Variants in MREG observed in about 807,000 individuals in gnomAD.
The protein encoded by MREG is melanoregulin.
A neutral mutation model predicts 28.5 loss-of-function variants in MREG; 31 were observed. That is an observed-to-expected ratio of 1.09 (90% CI 0.82 to 1.47). MREG has a LOEUF of 1.47. MREG is among the 40% of genes most tolerant of loss of function. The probability of loss-of-function intolerance (pLI) is 0.00; values close to 1 mark genes in which losing one functional copy is unlikely to be tolerated. For synonymous variants in MREG, 106 were observed against 95.2 expected, an observed-to-expected ratio of 1.11 and a Z score of -0.66; for missense variants, 256 against 257.4, an observed-to-expected ratio of 0.99 and a Z score of 0.04.
intron 2 of MREG, among the ~76,000 whole-genome samples, chr2:215,949,069 C>A (rs146660587): frequency 0.044 from 5,734 of 130,996 alleles, 169 homozygotes; most frequent in African/African-American, 0.088. Context: ...ACTACTACTA[C>A]TACTACTACT....
In MREG at chr2:216,007,742, C is replaced by CATTT. The variant is rs1553555422; in HGVS notation, c.95+5490_95+5491insAAAT. Among the ~76,000 whole-genome samples the CATTT allele has an allele frequency of 6.8e-3, 1,010 of 149,008 alleles. 41 individuals carry two copies. In the East Asian group the frequency reaches 0.1, roughly 15 times the overall value. ...ACTGCACCCAACCCCCACTTAGCGG[C>CATTT]TTTTTTTTTGCATTTTTGTACTTTT... On this transcript the variant is annotated intron_variant, in intron 1 of 4. Transcript: ENST00000263268.
chr2:215,958,496 C>T (rs1489879760), intron 2 of MREG, among the ~76,000 whole-genome samples: 1 of 152,216 alleles, frequency 6.6e-6, no homozygotes, highest in Non-Finnish European at 1.5e-5. Flanking sequence ...GCTCACGTCT[C>T]TTCATAGGGC....
chr2:216,013,406 A>C lies in MREG; in HGVS notation c.-79T>G. On this transcript the variant is annotated 5_prime_UTR_variant, in exon 1 of 5. Coordinates refer to ENST00000263268, the MANE Select transcript of MREG (RefSeq NM_018000.3). ...GAGCGATCGAGGCTGGGGCGCGGCC[A>C]CCGCGCCAGCGTCCAGGTGCGGGGA... 1.9e-6 allele frequency: 2 copies of C among 1,052,758 alleles called. No individual in the cohort carries two copies. Among genetic ancestry groups the C allele is most frequent in the African/African-American group, 1.7e-5 (1 of 59,102 alleles). The allele number at this position is 1,052,758 out of a possible 1,614,324, so 65.2% of individuals were successfully genotyped here.
chr2:215,965,942 T>C (rs1237629162), intron 2 of MREG, among the ~76,000 whole-genome samples: 2 of 152,214 alleles, frequency 1.3e-5, no homozygotes, highest in East Asian at 3.9e-4. Flanking sequence ...GTCTACTGAA[T>C]GCCCTTAGAA....
At chr2:215,964,484 A>AG (rs1692882646) in intron 2 of MREG, among the ~76,000 whole-genome samples, 1 of 69,066 alleles carries the variant, frequency 1.4e-5, no homozygotes, top group Non-Finnish European at 3.3e-5. Flanking sequence ...TCTGTCTCAA[A>AG]AAAAAGAAAG....
chr2:216,029,897 A>C (rs1389353877), intron 1 of MREG, among the ~76,000 whole-genome samples: 1 of 152,170 alleles, frequency 6.6e-6, no homozygotes, highest in East Asian at 1.9e-4. Flanking sequence ...AAGCAAACCA[A>C]ATGTTTGTAG....
chr2:215,991,123 A>G (rs1342434303), intron 2 of MREG, among the ~76,000 whole-genome samples: 1 of 152,244 alleles, frequency 6.6e-6, no homozygotes. Flanking sequence ...CACTTATTCT[A>G]AAATTGACCA....
At chr2:215,973,378 G>A (rs1159985749) in intron 2 of MREG, among the ~76,000 whole-genome samples, 2 of 152,192 alleles carry the variant, frequency 1.3e-5, no homozygotes, top group Admixed American at 6.5e-5. Context: ...TGCAGCATAA[G>A]ATGACAAAGA....
intron 1 of MREG, 47 bp from the exon 2 acceptor site, chr2:215,996,512 A>T: frequency 7.0e-7 from 1 of 1,424,220 alleles, no homozygotes; most frequent in South Asian, 1.2e-5. Context: ...ATATACATAA[A>T]ATGTTATATG....
At chr2:215,945,841 C>A (rs951395694) in intron 3 of MREG, 107 bp from the exon 4 acceptor site, 8 of 960,124 alleles carry the variant, frequency 8.3e-6, no homozygotes, top group Middle Eastern at 2.2e-4. Context: ...GGATTCTGTA[C>A]AAGCATAAAG....
rs934860309 is a variant in MREG at position 215,944,470 on chromosome 2, G to A, written c.*393C>T. 12 of 155,698 alleles carry A rather than the reference G, an allele frequency of 7.7e-5. No homozygotes were observed. The highest frequency in any genetic ancestry group is 1.1e-4 in the Non-Finnish European group (8 of 70,534). 9.6% of individuals were successfully genotyped at this position (155,698 alleles called of 1,614,324 possible). On this transcript the variant is annotated 3_prime_UTR_variant, in exon 5 of 5. Transcript: ENST00000263268. Reference sequence around the variant, plus strand: ...TTTTAAAACTGGCAATCCATTTTGGGACTCAATGACAGCTCTCTCTATTAA... The same window carrying A: ...TTTTAAAACTGGCAATCCATTTTGGAACTCAATGACAGCTCTCTCTATTAA...
Position 215,996,570 on chromosome 2 carries a change from TATATAA to T in MREG, c.96-111_96-106del, listed in dbSNP as rs1693881105. The T allele has an allele frequency of 2.3e-5, 17 of 750,542 alleles. 1 individual carries two copies. In the South Asian group the frequency reaches 3.3e-4, roughly 14 times the overall value. The allele number at this position is 750,542 out of a possible 1,614,324, so 46.5% of individuals were successfully genotyped here. A position where few individuals can be genotyped will look rare whatever the true frequency, so the allele number is the denominator to read the frequency against. ...ATCAATTAAAACTTATACTATGTAA[TATATAA>T]ATATATTGTCAAAAAGGTCTGAATT... On this transcript the variant is annotated intron_variant, in intron 1 of 4. Coordinates refer to ENST00000263268, the MANE Select transcript of MREG (RefSeq NM_018000.3).
intron 2 of MREG, among the ~76,000 whole-genome samples, chr2:215,954,463 C>CACAT (rs1298451333): frequency 6.6e-6 from 1 of 151,504 alleles, no homozygotes; most frequent in African/African-American, 2.4e-5. Context: ...CACACACACA[C>CACAT]ACACACACAC....
intron 2 of MREG, among the ~76,000 whole-genome samples, chr2:215,960,109 C>G (rs1692740237): frequency 6.6e-6 from 1 of 152,274 alleles, no homozygotes; most frequent in South Asian, 2.1e-4. Context: ...GTGCATGCCA[C>G]CATGCCCAGC....
chr2:216,019,717 G>C (rs1694494819), intron 1 of MREG, among the ~76,000 whole-genome samples: 1 of 151,970 alleles, frequency 6.6e-6, no homozygotes, highest in African/African-American at 2.4e-5. Context: ...CATGTTACCA[G>C]GATGGTCTCA....
At chr2:216,029,244 C>G (rs1694643085) in intron 1 of MREG, among the ~76,000 whole-genome samples, 1 of 152,144 alleles carries the variant, frequency 6.6e-6, no homozygotes, top group Admixed American at 6.5e-5. Flanking sequence ...CTTTGGGAGG[C>G]TGAGGCAGGC....
chr2:216,029,751 C>T (rs1276168174), intron 1 of MREG, among the ~76,000 whole-genome samples: 8 of 152,188 alleles, frequency 5.3e-5, no homozygotes, highest in African/African-American at 1.9e-4. Context: ...CCAGTATTTC[C>T]CTTCAGGCAA....
At chr2:215,978,125 T>C (rs908369407) in intron 2 of MREG, among the ~76,000 whole-genome samples, 1 of 152,042 alleles carries the variant, frequency 6.6e-6, no homozygotes, top group African/African-American at 2.4e-5. Flanking sequence ...ACAAAATTGA[T>C]AGACCACTAG....
At chr2:215,999,223 T>C (rs1038639464) in intron 1 of MREG, among the ~76,000 whole-genome samples, 6 of 152,246 alleles carry the variant, frequency 3.9e-5, no homozygotes, top group African/African-American at 1.4e-4. Context: ...CTAAAAGTAG[T>C]GCTGGTGTCC....
Sources: allele counts gnomAD v4.1 joint callset (sites outside exome capture counted in the v4.1 genomes callset), GRCh38; gene constraint gnomAD v4.1.1; transcripts MANE v1.5; gene names NCBI Gene and HGNC (gene_info 2026-07-23, HGNC 2026-07-21).